Variants in CRTC1 observed in about 807,000 individuals in gnomAD.
The protein encoded by CRTC1 is CREB regulated transcription coactivator 1.
In CRTC1, 18 loss-of-function variants were observed where a neutral mutation model predicts 66.1. That is an observed-to-expected ratio of 0.27 (90% CI 0.19 to 0.40). The LOEUF is 0.40. CRTC1 is among the 10% of genes least tolerant of loss of function. The pLI is 1.00. For synonymous variants in CRTC1, 416 were observed against 398.8 expected, an observed-to-expected ratio of 1.04 and a Z score of -0.51; for missense variants, 669 against 887.9, an observed-to-expected ratio of 0.75 and a Z score of 3.13.
At chr19:18,707,689 G>A (rs2053296333) in intron 1 of CRTC1, among the ~76,000 whole-genome samples, 1 of 152,098 alleles carries the variant, frequency 6.6e-6, no homozygotes, top group African/African-American at 2.4e-5. Context: ...GGGTAGTATT[G>A]CCACCTCTGA....
intron 1 of CRTC1, among the ~76,000 whole-genome samples, chr19:18,721,823 G>A (rs2053636737): frequency 6.6e-6 from 1 of 152,216 alleles, no homozygotes; most frequent in African/African-American, 2.4e-5. Flanking sequence ...TCCAAATACA[G>A]TCACATTCAT....
intron 1 of CRTC1, among the ~76,000 whole-genome samples, chr19:18,691,522 CA>C (rs60633222): frequency 0.43 from 31,220 of 72,752 alleles, 4,478 homozygotes; most frequent in East Asian, 0.56. Context: ...CCCTTTTCTC[CA>C]AAAAAAAAAA....
intron 1 of CRTC1, among the ~76,000 whole-genome samples, chr19:18,711,148 C>T (rs928991891): frequency 2.6e-5 from 4 of 152,256 alleles, no homozygotes; most frequent in South Asian, 2.1e-4. Flanking sequence ...TGGCCACATG[C>T]GGCATCCTAG....
At chr19:18,710,811 T>G (rs996860943) in intron 1 of CRTC1, among the ~76,000 whole-genome samples, 2 of 152,070 alleles carry the variant, frequency 1.3e-5, no homozygotes, top group Non-Finnish European at 2.9e-5. Context: ...GGGTTTGGGT[T>G]TTGCCATGTT....
intron 1 of CRTC1, among the ~76,000 whole-genome samples, chr19:18,698,326 A>G (rs1223023249): frequency 2.2e-5 from 3 of 135,744 alleles, no homozygotes; most frequent in African/African-American, 2.8e-5. Context: ...CACAGTGTGT[A>G]CTCAGCAAGT....
intron 6 of CRTC1, among the ~76,000 whole-genome samples, chr19:18,755,293 TC>T (rs1329475593): frequency 1.3e-5 from 2 of 152,200 alleles, no homozygotes; most frequent in African/African-American, 4.8e-5. Context: ...ATAGGGTCTC[TC>T]TTATGCCTAG....
At position 18,777,844 on chromosome 19, in the gene CRTC1, C is replaced by T. The variant is rs748860588; in HGVS notation, c.*462C>T. ...TTGGTTCCCGGTCCCCCAGCCCATC[C>T]GCCATCCCCAGCCCGTGGTCAGGTA... On this transcript the variant is annotated 3_prime_UTR_variant, in exon 14 of 14. Transcript: ENST00000321949. This position sits in a 1 kb window ranked among gnomAD's most constrained non-coding sequence, Gnocchi z 5.5. 2 of 290,772 alleles carry T rather than the reference C, an allele frequency of 6.9e-6. No individual in the cohort carries two copies. Among genetic ancestry groups the T allele is most frequent in the Admixed American group, 5.5e-5 (1 of 18,340 alleles). 18.0% of individuals were successfully genotyped at this position (290,772 alleles called of 1,614,324 possible).
intron 8 of CRTC1, among the ~76,000 whole-genome samples, 188 bp from the exon 9 acceptor site, chr19:18,765,216 C>CT (rs1000118596): frequency 1.1e-4 from 17 of 152,208 alleles, no homozygotes; most frequent in African/African-American, 3.6e-4. Flanking sequence ...CTCTGCAGGA[C>CT]TGTGGGACCC....
chr19:18,746,334 C>T (rs533709462), intron 3 of CRTC1, among the ~76,000 whole-genome samples: 72 of 152,274 alleles, frequency 4.7e-4, no homozygotes, highest in South Asian at 1.2e-3. Flanking sequence ...CTCTCCTACG[C>T]GCTGCACGGA....
At chr19:18,762,522 CG>C (rs2054637869) in intron 8 of CRTC1, among the ~76,000 whole-genome samples, 1 of 152,222 alleles carries the variant, frequency 6.6e-6, no homozygotes, top group African/African-American at 2.4e-5. Flanking sequence ...CCTTCGCGGC[CG>C]AGGAGACAGT....
chr19:18,751,334 C>T (rs571378662), intron 5 of CRTC1, among the ~76,000 whole-genome samples: 174 of 152,094 alleles, frequency 1.1e-3, no homozygotes, highest in Non-Finnish European at 2.1e-3. Flanking sequence ...CCAGCCTGGG[C>T]AACATAGTGA....
At position 18,777,169 on chromosome 19, in the gene CRTC1, A is replaced by G; in HGVS notation, c.1694-2A>G. On this transcript the variant is annotated splice_acceptor_variant, in intron 13 of 13. Coordinates refer to ENST00000321949, the MANE Select transcript of CRTC1 (RefSeq NM_015321.3). LOFTEE classifies it high-confidence loss of function. The surrounding 1 kb of genome is among the most constrained non-coding windows in gnomAD (Gnocchi z 5.5). The stretch of plus-strand genomic sequence containing the variant: ...GCCTTTTGTCCCCACCCCATCCCCC[A>G]GTGACAGGAGAGTCCCCCCCCAGCC... 1 of 686,806 alleles carries G rather than the reference A, an allele frequency of 1.5e-6. No individual in the cohort carries two copies. 42.5% of individuals were successfully genotyped at this position (686,806 alleles called of 1,614,324 possible). A position where few individuals can be genotyped will look rare whatever the true frequency, so the allele number is the denominator to read the frequency against.
intron 1 of CRTC1, among the ~76,000 whole-genome samples, chr19:18,693,334 A>G (rs2052895647): frequency 6.6e-6 from 1 of 151,294 alleles, no homozygotes; most frequent in African/African-American, 2.4e-5. Flanking sequence ...GGTTGCAGTG[A>G]GCCGAGATTG....
At chr19:18,757,757 C>T (rs2054521389) in intron 6 of CRTC1, among the ~76,000 whole-genome samples, 1 of 152,216 alleles carries the variant, frequency 6.6e-6, no homozygotes, top group South Asian at 2.1e-4. Context: ...TGGCTCACGC[C>T]TGTAATCCCA....
At chr19:18,756,076 G>A (rs1259816845) in intron 6 of CRTC1, among the ~76,000 whole-genome samples, 3 of 151,314 alleles carry the variant, frequency 2.0e-5, no homozygotes, top group African/African-American at 7.3e-5. Context: ...GCTTACGCCT[G>A]TAATCCCAGC....
chr19:18,728,373 CA>C (rs1487499190), intron 1 of CRTC1, among the ~76,000 whole-genome samples: 1 of 152,190 alleles, frequency 6.6e-6, no homozygotes, highest in Non-Finnish European at 1.5e-5. Flanking sequence ...TGTGGGTAAG[CA>C]AAACCAGGAC....
At chr19:18,765,579 G>T in intron 9 of CRTC1, 51 bp downstream of exon 9, 1 of 1,556,728 alleles carries the variant, frequency 6.4e-7, no homozygotes, top group Non-Finnish European at 8.7e-7. Context: ...GAAAGGTGGA[G>T]GCCTGGCTCT....
intron 1 of CRTC1, among the ~76,000 whole-genome samples, chr19:18,700,845 C>T (rs1165668307): frequency 1.3e-5 from 2 of 152,224 alleles, no homozygotes. Context: ...GAGGGGCTCT[C>T]TGTCTGCTTC....
chr19:18,762,024 A>G (rs539755893), intron 8 of CRTC1, among the ~76,000 whole-genome samples: 2 of 152,316 alleles, frequency 1.3e-5, no homozygotes, highest in Admixed American at 1.3e-4. Flanking sequence ...AGACAGGGCC[A>G]GGCAGGCGGC....
Sources: allele counts gnomAD v4.1 joint callset (sites outside exome capture counted in the v4.1 genomes callset), GRCh38; gene constraint gnomAD v4.1.1; non-coding constraint Gnocchi (gnomAD v3.1); transcripts MANE v1.5; gene names NCBI Gene and HGNC (gene_info 2026-07-23, HGNC 2026-07-21).